CD33: variants seen among roughly 807,000 people sequenced by gnomAD.
CD33 encodes the protein myeloid cell surface antigen CD33.
Under a neutral mutation model 31.4 loss-of-function variants are expected in CD33, and 25 were observed. That is an observed-to-expected ratio of 0.80 (90% CI 0.58 to 1.11). The LOEUF is 1.11. Ranked by LOEUF, CD33 falls within the 50% of genes most tolerant of loss-of-function variation. The pLI, the probability that CD33 is intolerant of heterozygous loss-of-function variation, is 0.00. For missense variants in CD33, 407 were observed against 448.1 expected, an observed-to-expected ratio of 0.91 and a Z score of 0.83; for synonymous variants, 176 against 180.6, an observed-to-expected ratio of 0.97 and a Z score of 0.20.
the CD33 span, among the ~76,000 whole-genome samples, chr19:51,214,039 T>C: frequency 8.1e-5 from 12 of 148,738 alleles, no homozygotes; most frequent in East Asian, 2.2e-3. Context: ...TTCGTATTTT[T>C]AGTAGAAACA....
chr19:51,214,201 C>CTT, the CD33 span, among the ~76,000 whole-genome samples: 74 of 98,086 alleles, frequency 7.5e-4, no homozygotes, highest in Admixed American at 1.5e-3. Flanking sequence ...TCTTTTCTTT[C>CTT]TTTTTTTTTT....
the CD33 span, chr19:51,211,288 C>T: frequency 6.4e-7 from 1 of 1,571,886 alleles, no homozygotes; most frequent in Non-Finnish European, 8.7e-7. Flanking sequence ...CGTCCTCGTG[C>T]CCTGCACTTT....
intron 5 of CD33, 123 bp downstream of exon 5, chr19:51,235,376 C>T (rs1981709008): frequency 4.1e-6 from 5 of 1,218,886 alleles, no homozygotes; most frequent in Non-Finnish European, 5.8e-6. Context: ...GTACAGAATC[C>T]AGCCTGTGGC....
the CD33 span, among the ~76,000 whole-genome samples, chr19:51,214,595 G>A: frequency 8.1e-4 from 124 of 152,188 alleles, 1 homozygote; most frequent in Middle Eastern, 3.4e-3. Flanking sequence ...GATGTTGAGC[G>A]TATTTTCATG....
rs1265163045 is a variant in CD33, at chr19:51,237,942, T to C, written c.925-1576T>C. ...GAATAATGAATCTGATGTGGAGAAATTGGGTTCCGGATACATCTTGAAGGT... is the reference window on the plus strand; with the variant it reads ...GAATAATGAATCTGATGTGGAGAAACTGGGTTCCGGATACATCTTGAAGGT... On this transcript the variant is annotated intron_variant, in intron 6 of 6. Transcript: ENST00000262262. 4 of 152,110 alleles carry C rather than the reference T, an allele frequency of 2.6e-5. No individual in the cohort carries two copies. The South Asian group carries it at 8.3e-4, about 32-fold the overall frequency. 9.4% of individuals were successfully genotyped at this position (152,110 alleles called of 1,614,324 possible).
chr19:51,225,963 C>A lies in CD33; in HGVS notation c.579C>A (p.His193Gln). 6.2e-7 allele frequency: 1 copy of A among 1,614,166 alleles called. No homozygotes were observed. Among genetic ancestry groups the A allele is most frequent in the Non-Finnish European group, 8.5e-7 (1 of 1,180,016 alleles). The change falls in exon 3 of 7, where the codon CAC (histidine) becomes CAA (glutamine). Residue 193 changes from histidine (H) to glutamine (Q), a missense_variant. Coordinates refer to ENST00000262262, the MANE Select transcript of CD33 (RefSeq NM_001772.4). ...CCTCCCTGGGCCCCAGGACTACTCA[C>A]TCCTCGGTGCTCATAATCACCCCAC... is the stretch of plus-strand genomic sequence containing the variant. ...APTSLGPRTTHSSVLIITPRP... is the reference protein window; with the variant it reads ...APTSLGPRTTQSSVLIITPRP...
At chr19:51,211,239 G>A in the CD33 span, 9 of 1,569,516 alleles carry the variant, frequency 5.7e-6, no homozygotes, top group Non-Finnish European at 7.8e-6. Flanking sequence ...AAATCCGGCT[G>A]CAAGTGCAGG....
At chr19:51,219,727 A>G in the CD33 span, among the ~76,000 whole-genome samples, 4 of 152,090 alleles carry the variant, frequency 2.6e-5, no homozygotes, top group African/African-American at 9.7e-5. Flanking sequence ...GAGGGTTTTT[A>G]CCATGAAGAG....
chr19:51,228,606 A>G (rs530975223), intron 4 of CD33, among the ~76,000 whole-genome samples: 53 of 152,334 alleles, frequency 3.5e-4, no homozygotes, highest in Non-Finnish European at 6.8e-4. Context: ...TTGATTTTGC[A>G]TCCTGCAAAT....
chr19:51,235,132 C>A, intron 4 of CD33, 25 bp from the exon 5 acceptor site: 3 of 1,584,130 alleles, frequency 1.9e-6, no homozygotes, highest in Non-Finnish European at 2.6e-6. Flanking sequence ...GATTAGAATT[C>A]ACCCCAAATC....
chr19:51,235,934 G>A (rs142802794), intron 6 of CD33: 7,198 of 698,264 alleles, frequency 0.01, 140 homozygotes, highest in African/African-American at 0.062. Flanking sequence ...CAAGGCGGGC[G>A]GATCACGAGG....
At chr19:51,231,604 T>G (rs1981419085) in intron 4 of CD33, among the ~76,000 whole-genome samples, 1 of 103,206 alleles carries the variant, frequency 9.7e-6, no homozygotes, top group African/African-American at 9.4e-5. Flanking sequence ...TTGGCTGATG[T>G]TTTTTTTTTT....
chr19:51,222,483 T>C (rs1980729328), upstream of CD33, among the ~76,000 whole-genome samples: 1 of 152,198 alleles, frequency 6.6e-6, no homozygotes, highest in South Asian at 2.1e-4. Context: ...TGTCTATCAA[T>C]AGGTGAGAAA....
chr19:51,234,857 A>G (rs1487636443), intron 4 of CD33, among the ~76,000 whole-genome samples: 1 of 152,188 alleles, frequency 6.6e-6, no homozygotes, highest in Admixed American at 6.5e-5. Context: ...AGAGCTTCAC[A>G]GTCCTTCAGG....
chr19:51,235,459 C>T, intron 5 of CD33, 136 bp from the exon 6 acceptor site: 1 of 1,442,090 alleles, frequency 6.9e-7, no homozygotes, highest in Non-Finnish European at 9.2e-7. Context: ...AGAGGGAGAC[C>T]TTGTGACTAA....
At chr19:51,237,197 C>T (rs917828835) in intron 6 of CD33, 3 of 152,102 alleles carry the variant, frequency 2.0e-5, no homozygotes, top group Non-Finnish European at 2.9e-5. Flanking sequence ...CTAAAGTGAA[C>T]ACCACAGTAA....
At chr19:51,235,933 C>CG in intron 6 of CD33, 1 of 698,204 alleles carries the variant, frequency 1.4e-6, no homozygotes, top group East Asian at 2.7e-5. Context: ...CCAAGGCGGG[C>CG]GGATCACGAG....
the CD33 span, among the ~76,000 whole-genome samples, chr19:51,215,263 A>G: frequency 7.9e-5 from 12 of 152,152 alleles, no homozygotes; most frequent in Admixed American, 7.2e-4. Flanking sequence ...AGAATTCCAC[A>G]TGGTTCATTT....
At chr19:51,237,902 C>A (rs142821906) in intron 6 of CD33, 1 of 152,328 alleles carries the variant, frequency 6.6e-6, no homozygotes, top group East Asian at 1.9e-4. Context: ...CTGACTCAGA[C>A]TTAGTCCCAA....
Sources: allele counts gnomAD v4.1 joint callset (sites outside exome capture counted in the v4.1 genomes callset), GRCh38; gene constraint gnomAD v4.1.1; transcripts MANE v1.5; gene names NCBI Gene and HGNC (gene_info 2026-07-23, HGNC 2026-07-21).